ASIC2: variants seen among roughly 807,000 people sequenced by gnomAD.
ASIC2 encodes acid-sensing ion channel 2.
A neutral mutation model predicts 57.3 loss-of-function variants in ASIC2; 25 were observed. The observed-to-expected ratio is 0.44, with a 90% CI of 0.32 to 0.61. The LOEUF is 0.61. ASIC2 is among the 20% of genes least tolerant of loss of function. The probability of loss-of-function intolerance (pLI) is 0.06; values close to 1 mark genes in which losing one functional copy is unlikely to be tolerated. For missense variants in ASIC2, 641 were observed against 738.1 expected (o/e 0.87, Z 1.52); for synonymous variants, 319 against 307.5 (o/e 1.04, Z -0.39).
chr17:33,061,727 G>A (rs556602037), intron 3 of ASIC2, among the ~76,000 whole-genome samples: 52 of 152,156 alleles, frequency 3.4e-4, no homozygotes, highest in African/African-American at 1.1e-3. Context: ...GAATAGTTTC[G>A]GAAGGAATGG....
chr17:33,707,610 T>C (rs1374378631), intron 1 of ASIC2, among the ~76,000 whole-genome samples: 2 of 152,246 alleles, frequency 1.3e-5, no homozygotes, highest in African/African-American at 2.4e-5. Context: ...TTTTTACCTC[T>C]GTGAGAATGT....
At chr17:33,734,398 A>G (rs1258444875) in intron 1 of ASIC2, among the ~76,000 whole-genome samples, 2 of 151,870 alleles carry the variant, frequency 1.3e-5, no homozygotes, top group Admixed American at 1.3e-4. Flanking sequence ...CCAGCTCCAC[A>G]CCATGGTCCC....
chr17:33,735,828 A>G (rs1443997652), intron 1 of ASIC2, among the ~76,000 whole-genome samples: 5 of 152,158 alleles, frequency 3.3e-5, no homozygotes, highest in African/African-American at 1.2e-4. Context: ...TCTGCTCTCA[A>G]GAGCCACAGT....
intron 1 of ASIC2, among the ~76,000 whole-genome samples, chr17:33,206,530 T>C (rs975626430): frequency 2.6e-5 from 4 of 152,136 alleles, no homozygotes; most frequent in African/African-American, 7.2e-5. Flanking sequence ...TTCTTACTGA[T>C]GAATTATGAG....
intron 1 of ASIC2, among the ~76,000 whole-genome samples, chr17:33,229,294 C>A (rs1166884874): frequency 1.3e-5 from 2 of 152,168 alleles, no homozygotes; most frequent in Non-Finnish European, 2.9e-5. Context: ...ATCCAGGGTT[C>A]ATTCGTTCAA....
chr17:33,903,326 T>C, intron 1 of ASIC2, among the ~76,000 whole-genome samples: 1 of 152,188 alleles, frequency 6.6e-6, no homozygotes, highest in East Asian at 1.9e-4. Context: ...TCCATACTAA[T>C]CTGTCCCTCT....
At chr17:33,878,423 G>A (rs1272958086) in intron 1 of ASIC2, among the ~76,000 whole-genome samples, 2 of 152,146 alleles carry the variant, frequency 1.3e-5, no homozygotes, top group Non-Finnish European at 2.9e-5. Context: ...AGACCTGATG[G>A]AGCTGAAAAC....
chr17:33,665,977 A>T (rs1907459569), intron 1 of ASIC2, among the ~76,000 whole-genome samples: 1 of 152,180 alleles, frequency 6.6e-6, no homozygotes, highest in South Asian at 2.1e-4. Flanking sequence ...ACATAGGATT[A>T]CATACAGTAA....
chr17:33,318,351 T>C (rs1372771662), intron 1 of ASIC2, among the ~76,000 whole-genome samples: 2 of 152,202 alleles, frequency 1.3e-5, no homozygotes, highest in African/African-American at 4.8e-5. Context: ...CCACTGAGCC[T>C]GTCTTACCAT....
chr17:33,469,417 G>A (rs1912968946), intron 1 of ASIC2, among the ~76,000 whole-genome samples: 1 of 152,170 alleles, frequency 6.6e-6, no homozygotes, highest in Non-Finnish European at 1.5e-5. Flanking sequence ...CAGCACACAA[G>A]CACCTGGACA....
chr17:33,753,744 A>G (rs1294041227), intron 1 of ASIC2, among the ~76,000 whole-genome samples: 1 of 152,186 alleles, frequency 6.6e-6, no homozygotes, highest in Non-Finnish European at 1.5e-5. Flanking sequence ...GAGTGGTTTG[A>G]AGTATGGCTA....
intron 1 of ASIC2, among the ~76,000 whole-genome samples, chr17:33,129,625 T>C (rs917948573): frequency 6.6e-6 from 1 of 152,216 alleles, no homozygotes; most frequent in African/African-American, 2.4e-5. Context: ...AGGGTAAACA[T>C]ACCTGGGAAC....
Position 33,848,721 on chromosome 17 carries a change from G to C in ASIC2, c.555+307257C>G, listed in dbSNP as rs765305020. Among the ~76,000 whole-genome samples, 239 of 151,482 alleles carry C rather than the reference G, an allele frequency of 1.6e-3. 1 individual carries two copies. The highest frequency in any genetic ancestry group is 2.7e-3 in the Non-Finnish European group (186 of 68,020). ...GCTGGATGGTACAGATGAAGGAATG[G>C]AGAGGTACCTGGAAGGCAGGCAGGC... On this transcript the variant is annotated intron_variant, in intron 1 of 9. Coordinates refer to the ASIC2 transcript ENST00000359872.
intron 1 of ASIC2, among the ~76,000 whole-genome samples, chr17:33,887,310 G>A (rs1277006450): frequency 6.6e-6 from 1 of 152,150 alleles, no homozygotes; most frequent in Admixed American, 6.5e-5. Context: ...GTGGCTTACT[G>A]TCTAGAAGAG....
At chr17:33,591,478 G>A (rs547300965) in intron 1 of ASIC2, among the ~76,000 whole-genome samples, 5 of 152,284 alleles carry the variant, frequency 3.3e-5, no homozygotes, top group Non-Finnish European at 7.3e-5. Flanking sequence ...CAAAGCTGTC[G>A]GCAGCCGCCA....
chr17:33,338,813 G>A (rs1039784349), intron 1 of ASIC2, among the ~76,000 whole-genome samples: 21 of 152,164 alleles, frequency 1.4e-4, no homozygotes, highest in Admixed American at 2.0e-4. Context: ...ACTATGATAA[G>A]TGGAAATAAG....
chr17:33,889,115 T>G (rs2141945809), intron 1 of ASIC2, among the ~76,000 whole-genome samples: 1 of 152,290 alleles, frequency 6.6e-6, no homozygotes, highest in African/African-American at 2.4e-5. Flanking sequence ...AATTAGCAGG[T>G]TTCTCTCTTG....
intron 1 of ASIC2, among the ~76,000 whole-genome samples, chr17:33,637,421 G>T (rs1389227887): frequency 6.6e-6 from 1 of 152,122 alleles, no homozygotes; most frequent in African/African-American, 2.4e-5. Flanking sequence ...GGAGAGGGAG[G>T]AAAGAGGAAC....
At chr17:34,019,442 T>C (rs1418591667) in intron 1 of ASIC2, among the ~76,000 whole-genome samples, 3 of 152,156 alleles carry the variant, frequency 2.0e-5, no homozygotes, top group Admixed American at 6.5e-5. Context: ...TTCAGTGTTG[T>C]CTTATTTTAA....
Sources: allele counts gnomAD v4.1 joint callset (sites outside exome capture counted in the v4.1 genomes callset), GRCh38; gene constraint gnomAD v4.1.1; transcripts MANE v1.5; gene names NCBI Gene and HGNC (gene_info 2026-07-23, HGNC 2026-07-21).